TLK1: variants seen among roughly 807,000 people sequenced by gnomAD.
TLK1 encodes serine/threonine-protein kinase tousled-like 1.
TLK1 carries 24 observed loss-of-function variants against 105.3 expected under a neutral mutation model. The observed-to-expected ratio is 0.23, with a 90% confidence interval of 0.17 to 0.32. The LOEUF is 0.32. Ranked by LOEUF, TLK1 falls within the 10% of genes least tolerant of loss-of-function variation. The pLI is 1.00. For synonymous variants in TLK1, 321 were observed against 310.4 expected (o/e 1.03, Z -0.36); for missense variants, 558 against 910.5 (o/e 0.61, Z 4.98).
intron 1 of TLK1, among the ~76,000 whole-genome samples, chr2:171,180,197 C>T (rs565440721): frequency 2.0e-5 from 3 of 150,768 alleles, no homozygotes; most frequent in Non-Finnish European, 2.9e-5. Context: ...GATGACAGAG[C>T]GAGAGCGAGA....
intron 3 of TLK1, among the ~76,000 whole-genome samples, chr2:171,073,316 A>C (rs1688346250): frequency 2.6e-5 from 4 of 152,198 alleles, no homozygotes. Flanking sequence ...TGTAACAAAC[A>C]ACCACTGAAC....
intron 2 of TLK1, among the ~76,000 whole-genome samples, chr2:171,113,920 T>C (rs564415505): frequency 6.6e-6 from 1 of 152,302 alleles, no homozygotes; most frequent in South Asian, 2.1e-4. Context: ...GTTTGAGCCA[T>C]TCTAACTATT....
At chr2:170,994,551 A>AC (rs1193546038) in intron 20 of TLK1, among the ~76,000 whole-genome samples, 1 of 151,862 alleles carries the variant, frequency 6.6e-6, no homozygotes, top group African/African-American at 2.4e-5. Context: ...AAAAAAAAAA[A>AC]ACCTTTCCTG....
intron 1 of TLK1, among the ~76,000 whole-genome samples, chr2:171,214,768 C>T (rs1473517942): frequency 6.6e-6 from 1 of 152,192 alleles, no homozygotes; most frequent in East Asian, 1.9e-4. Flanking sequence ...TCATAAGCTG[C>T]ACTTTTATTA....
At chr2:171,148,894 T>A (rs59113149) in intron 1 of TLK1, among the ~76,000 whole-genome samples, 56,675 of 125,438 alleles carry the variant, frequency 0.45, 12,719 homozygotes, top group African/African-American at 0.52. Context: ...AAAAAAAATA[T>A]ATATATATAT....
chr2:171,205,425 C>A (rs192524985), intron 1 of TLK1, among the ~76,000 whole-genome samples: 1 of 151,980 alleles, frequency 6.6e-6, no homozygotes, highest in East Asian at 1.9e-4. Context: ...CAGGCTCAAG[C>A]GATCCTCTCA....
At chr2:171,206,333 G>A (rs984255490) in intron 1 of TLK1, among the ~76,000 whole-genome samples, 1 of 152,178 alleles carries the variant, frequency 6.6e-6, no homozygotes, top group Non-Finnish European at 1.5e-5. Flanking sequence ...AGAAAGAAAA[G>A]AGAAAGTTGT....
At chr2:171,149,245 G>GC (rs1691933310) in intron 1 of TLK1, among the ~76,000 whole-genome samples, 8 of 151,062 alleles carry the variant, frequency 5.3e-5, no homozygotes, top group Admixed American at 1.3e-4. Flanking sequence ...AGCAGCAGCA[G>GC]AAGAAGAAGA....
intron 1 of TLK1, among the ~76,000 whole-genome samples, chr2:171,120,442 T>A (rs1299979115): frequency 1.3e-5 from 2 of 151,442 alleles, no homozygotes; most frequent in African/African-American, 4.9e-5. Flanking sequence ...CTTCTACAAC[T>A]CAATAACAAA....
intron 1 of TLK1, among the ~76,000 whole-genome samples, chr2:171,174,732 T>C (rs1282121991): frequency 6.6e-6 from 1 of 152,222 alleles, no homozygotes; most frequent in African/African-American, 2.4e-5. Flanking sequence ...AGCTAGTCAA[T>C]GACTAAGTAA....
At chr2:171,082,422 C>T (rs1234516095) in intron 3 of TLK1, among the ~76,000 whole-genome samples, 1 of 151,974 alleles carries the variant, frequency 6.6e-6, no homozygotes, top group African/African-American at 2.4e-5. Context: ...TACTAAGGAT[C>T]AAACTAAAAG....
At chr2:171,230,718 C>T (rs1693980919) in intron 1 of TLK1, among the ~76,000 whole-genome samples, 1 of 152,206 alleles carries the variant, frequency 6.6e-6, no homozygotes, top group Admixed American at 6.5e-5. Context: ...ATTCATCAGG[C>T]AACAGACCTA....
At chr2:171,180,210 G>A (rs1692904188) in intron 1 of TLK1, among the ~76,000 whole-genome samples, 1 of 151,554 alleles carries the variant, frequency 6.6e-6, no homozygotes. Flanking sequence ...GAGCGAGAGC[G>A]AGACTTTGTC....
chr2:171,010,379 A>G (rs895602654), intron 14 of TLK1, among the ~76,000 whole-genome samples: 1 of 152,172 alleles, frequency 6.6e-6, no homozygotes, highest in Non-Finnish European at 1.5e-5. Context: ...GATAACTTCT[A>G]TTTCAAATGT....
At chr2:171,002,248 A>T (rs948524162) in intron 18 of TLK1, among the ~76,000 whole-genome samples, 2 of 151,966 alleles carry the variant, frequency 1.3e-5, no homozygotes, top group Non-Finnish European at 2.9e-5. Flanking sequence ...TAAAATGGTC[A>T]TATCATCTTT....
intron 1 of TLK1, among the ~76,000 whole-genome samples, chr2:171,178,851 A>G (rs1463442433): frequency 6.6e-6 from 1 of 152,232 alleles, no homozygotes; most frequent in Non-Finnish European, 1.5e-5. Flanking sequence ...ACTTAACATT[A>G]TCAAAACAGT....
chr2:171,219,682 C>A (rs968586098), intron 1 of TLK1, among the ~76,000 whole-genome samples: 2 of 151,848 alleles, frequency 1.3e-5, no homozygotes, highest in African/African-American at 4.8e-5. Flanking sequence ...CTTCCTGCAA[C>A]CTCCATCTCC....
At chr2:171,128,982 GTA>G (rs1035909351) in intron 1 of TLK1, among the ~76,000 whole-genome samples, 1 of 148,292 alleles carries the variant, frequency 6.7e-6, no homozygotes, top group Non-Finnish European at 1.5e-5. Flanking sequence ...GTGTGTGTGT[GTA>G]TGTGTGTGTG....
intron 1 of TLK1, among the ~76,000 whole-genome samples, chr2:171,148,890 A>AAAAAAAAAAAAATATAT (rs1445171800): frequency 2.9e-4 from 40 of 138,422 alleles, no homozygotes; most frequent in African/African-American, 1.1e-3. Context: ...AAAAAAAAAA[A>AAAAAAAAAAAAATATAT]ATATATATAT....
Sources: allele counts gnomAD v4.1 joint callset (sites outside exome capture counted in the v4.1 genomes callset), GRCh38; gene constraint gnomAD v4.1.1; transcripts MANE v1.5; gene names NCBI Gene and HGNC (gene_info 2026-07-23, HGNC 2026-07-21).